DST: variants seen among roughly 807,000 people sequenced by gnomAD.
DST encodes the protein bullous pemphigoid antigen.
In DST, 253 loss-of-function variants were observed where a neutral mutation model predicts 875.2. That is an observed-to-expected ratio of 0.29 (90% CI 0.26 to 0.32). The LOEUF is 0.32. Ranked by LOEUF, DST falls within the 10% of genes least tolerant of loss-of-function variation. The pLI is 1.00. For synonymous variants in DST, 3,124 were observed against 3,197.1 expected (o/e 0.98, Z 0.77); for missense variants, 8,287 against 9,111.6 (o/e 0.91, Z 3.68).
chr6:56,583,121 T>TG (rs1277858791), intron 49 of DST, among the ~76,000 whole-genome samples: 11 of 152,244 alleles, frequency 7.2e-5, no homozygotes, highest in Non-Finnish European at 1.5e-4. Context: ...AGTAATGGGA[T>TG]GGCTGGGTCA....
chr6:56,609,724 A>G (rs575997795), intron 39 of DST, among the ~76,000 whole-genome samples: 2 of 152,258 alleles, frequency 1.3e-5, no homozygotes, highest in South Asian at 4.1e-4. Context: ...AGTGGCAGGA[A>G]AGAGAGTATC....
chr6:56,667,510 A>G (rs1219477272), intron 10 of DST, among the ~76,000 whole-genome samples: 2 of 152,228 alleles, frequency 1.3e-5, no homozygotes, highest in African/African-American at 4.8e-5. Context: ...AAGCCACAGG[A>G]CAACGACAGA....
Position 56,482,749 on chromosome 6 carries a change from T to G in DST, c.21336A>C (p.Thr7112=). The part of the protein sequence containing the change: ...WVKVQMQELS[T]RWETVCALSI... ...AAAGTGCACACACGGTCTCCCAGCG[T>G]GTGCTTAATTCCTGCATCTGGACCT... Residue 7112 remains threonine (T), a synonymous_variant, in exon 89 of 104, where the codon ACA becomes ACC. Transcript: ENST00000680361. The G allele has an allele frequency of 6.2e-7, 1 of 1,613,928 alleles. No individual in the cohort carries two copies. Among genetic ancestry groups the G allele is most frequent in the Non-Finnish European group, 8.5e-7 (1 of 1,179,836 alleles).
chr6:56,951,101 A>T (rs536183612), intron 2 of DST, among the ~76,000 whole-genome samples: 2 of 152,256 alleles, frequency 1.3e-5, no homozygotes, highest in South Asian at 4.1e-4. Context: ...ACCGGCTAAA[A>T]CTTCCTGTGC....
intron 3 of DST, among the ~76,000 whole-genome samples, chr6:56,894,575 A>G (rs1242852737): frequency 2.1e-5 from 1 of 47,280 alleles, no homozygotes; most frequent in African/African-American, 1.5e-4. Flanking sequence ...CTGGCCGGGC[A>G]GAGGGGTCCT....
chr6:56,836,064 G>A (rs2099793175), intron 4 of DST, among the ~76,000 whole-genome samples: 1 of 152,082 alleles, frequency 6.6e-6, no homozygotes, highest in Non-Finnish European at 1.5e-5. Context: ...AGACACAACA[G>A]TTTGACTTCC....
intron 3 of DST, 50 bp downstream of exon 3, chr6:56,900,371 T>C (rs1562335867): frequency 1.5e-6 from 2 of 1,292,384 alleles, no homozygotes; most frequent in South Asian, 2.4e-5. Flanking sequence ...AACAACCACA[T>C]GATTTGACAG....
intron 43 of DST, 92 bp from the exon 44 acceptor site, chr6:56,601,768 C>G: frequency 1.3e-6 from 1 of 783,130 alleles, no homozygotes; most frequent in East Asian, 2.8e-5. Flanking sequence ...AAATACATTT[C>G]TCACATCAGG....
rs2097443473 is a variant in DST, at chr6:56,557,408, A to G, written c.14551T>C (p.Trp4851Arg). The G allele has an allele frequency of 6.2e-7, 1 of 1,613,742 alleles. No individual in the cohort carries two copies. The highest frequency in any genetic ancestry group is 8.5e-7 in the Non-Finnish European group (1 of 1,179,706). The change falls in exon 59 of 104, where the codon TGG (tryptophan) becomes CGG (arginine). Residue 4851 changes from tryptophan to arginine, a missense_variant. Coordinates refer to ENST00000680361, the MANE Select transcript of DST (RefSeq NM_001374736.1). ...FQTVEAQLKQ[W>R]LVEKELMVSV... ...ACCATAAGTTCTTTTTCCACAAGCCACTGTTTCAATTGGGCCTCTACAGTC... is the reference window on the plus strand; with the variant it reads ...ACCATAAGTTCTTTTTCCACAAGCCGCTGTTTCAATTGGGCCTCTACAGTC...
rs563756608 is a variant in DST at position 56,871,374 on chromosome 6, C to T, written c.418-19770G>A. The T allele has an allele frequency of 1.7e-4, 212 of 1,232,656 alleles. No homozygotes were observed. The African/African-American group carries it at 2.6e-3, about 15-fold the overall frequency. 76.4% of individuals were successfully genotyped at this position (1,232,656 alleles called of 1,614,324 possible). On this transcript the variant is annotated intron_variant, in intron 3 of 103. Transcript: ENST00000680361. ...ACAGAAACAGTGTGTACCATTCCAA[C>T]GTTACAATGCTGGAGTTGGCAGGTG...
rs200759759 is a variant in DST at position 56,640,577 on chromosome 6, C to A, written c.2056G>T (p.Ala686Ser). 5.0e-6 allele frequency: 8 copies of A among 1,613,996 alleles called. No homozygotes were observed. The highest frequency in any genetic ancestry group is 6.8e-6 in the Non-Finnish European group (8 of 1,180,026). ...ACAGAAGAACATTCGTTCCTTAAGG[C>A]CATAATTTCGTCACGCAGTTTTGCA... Reference protein sequence around the residue: ...RVAKLRDEIMALRNECSSVYS... With the variant: ...RVAKLRDEIMSLRNECSSVYS... Residue 686 changes from alanine (A) to serine (S), a missense_variant, in exon 18 of 104, where the codon GCC (alanine) becomes TCC (serine). By Grantham distance (99) the Ala-to-Ser change is moderately conservative (BLOSUM62 1). Transcript: ENST00000680361.
At chr6:56,643,042 C>G in intron 15 of DST, 1 of 722,228 alleles carries the variant, frequency 1.4e-6, no homozygotes, top group South Asian at 2.0e-5. Context: ...TATTAAAACC[C>G]TACAAGTATG....
In DST at chr6:56,557,347, A is replaced by G. The variant is rs2097442484; in HGVS notation, c.14612T>C (p.Met4871Thr). 2 of 1,613,450 alleles carry G rather than the reference A, an allele frequency of 1.2e-6. No homozygotes were observed. Among genetic ancestry groups the G allele is most frequent in the Non-Finnish European group, 1.7e-6 (2 of 1,179,670 alleles). The change falls in exon 59 of 104, where the codon ATG becomes ACG. Residue 4871 changes from methionine (M) to threonine (T), a missense_variant. Around this residue, in one of 10 missense-constraint regions of DST, gnomAD observed 1,513 missense variants for 1,677.8 expected, o/e 0.90. Transcript: ENST00000680361. The part of the protein sequence containing the change: ...VLGPLSIDPN[M>T]LNTQRQQVQI... ...CACCTGCTGCCTTTGTGTGTTTAGC[A>G]TATTTGGGTCAATTGACAAGGGCCC...
intron 17 of DST, among the ~76,000 whole-genome samples, chr6:56,641,612 C>CTTAGA (rs2098903396): frequency 6.6e-6 from 1 of 152,030 alleles, no homozygotes; most frequent in South Asian, 2.1e-4. Context: ...AGACACTTTT[C>CTTAGA]TTAGATTTTT....
In DST at chr6:56,633,233, C is replaced by CTTTTTTTTTTTT. The variant is rs61647189; in HGVS notation, c.3622-197_3622-196insAAAAAAAAAAAA. Among the ~76,000 whole-genome samples, 5 of 138,714 alleles carry CTTTTTTTTTTTT rather than the reference C, an allele frequency of 3.6e-5. 2 individuals carry two copies. The highest frequency in any genetic ancestry group is 1.5e-4 in the African/African-American group (5 of 32,876). The allele number at this position is 138,714 out of a possible 152,430, so 91.0% of individuals were successfully genotyped here. A position where few individuals can be genotyped will look rare whatever the true frequency, so the allele number is the denominator to read the frequency against. On this transcript the variant is annotated intron_variant, in intron 27 of 103. Coordinates refer to ENST00000680361, the MANE Select transcript of DST (RefSeq NM_001374736.1). Reference sequence around the variant, plus strand: ...TTTTGTTTTGAGACGGAGTTTCACTCTTTTTTTTTTTGAGACGGAGTCTCG... The same window carrying CTTTTTTTTTTTT: ...TTTTGTTTTGAGACGGAGTTTCACTCTTTTTTTTTTTTTTTTTTTTTTTGAGACGGAGTCTCG...
chr6:56,880,026 GA>G (rs1316192972), intron 3 of DST, among the ~76,000 whole-genome samples: 1 of 152,174 alleles, frequency 6.6e-6, no homozygotes, highest in Non-Finnish European at 1.5e-5. Context: ...TTCCCACAAT[GA>G]ATAGGTACCT....
intron 2 of DST, among the ~76,000 whole-genome samples, chr6:56,941,075 TTTGTG>T (rs1481262767): frequency 2.6e-5 from 4 of 152,156 alleles, no homozygotes; most frequent in Non-Finnish European, 5.9e-5. Flanking sequence ...TTCTACTTAT[TTTGTG>T]TTTAGTTTGC....
intron 2 of DST, among the ~76,000 whole-genome samples, chr6:56,920,094 A>G (rs1441120039): frequency 6.6e-6 from 1 of 152,234 alleles, no homozygotes; most frequent in African/African-American, 2.4e-5. Context: ...ACTGCATTGC[A>G]ATGAGATAAA....
In DST at chr6:56,802,137, T is replaced by C. The variant is rs2099747871; in HGVS notation, c.625+49260A>G. Among the ~76,000 whole-genome samples, 3 of 152,176 alleles carry C rather than the reference T, an allele frequency of 2.0e-5. No homozygotes were observed. In the South Asian group the frequency reaches 6.2e-4, roughly 31 times the overall value. ...CCATTTCTATTTTTTGTTTTTTCATTCATCTATTTAATTTTTATATTTAAG... is the reference window on the plus strand; with the variant it reads ...CCATTTCTATTTTTTGTTTTTTCATCCATCTATTTAATTTTTATATTTAAG... On this transcript the variant is annotated intron_variant, in intron 4 of 103. Coordinates refer to ENST00000680361, the MANE Select transcript of DST (RefSeq NM_001374736.1).
Sources: allele counts gnomAD v4.1 joint callset (sites outside exome capture counted in the v4.1 genomes callset), GRCh38; gene constraint gnomAD v4.1.1; regional missense constraint gnomAD v4.1.1; transcripts MANE v1.5; gene names NCBI Gene and HGNC (gene_info 2026-07-23, HGNC 2026-07-21).